Variants in ADGRG5 observed in about 807,000 individuals in gnomAD.
ADGRG5 encodes the protein G protein-coupled receptor 114.
A neutral mutation model predicts 53.2 loss-of-function variants in ADGRG5; 37 were observed. The observed-to-expected ratio is 0.70, with a 90% confidence interval of 0.53 to 0.91. The LOEUF is 0.91. Ranked by LOEUF, ADGRG5 falls within the 40% of genes least tolerant of loss-of-function variation. The probability of loss-of-function intolerance (pLI) is 0.00; values close to 1 mark genes in which losing one functional copy is unlikely to be tolerated. For synonymous variants in ADGRG5, 277 were observed against 290.4 expected, an observed-to-expected ratio of 0.95 and a Z score of 0.47; for missense variants, 614 against 675.8, an observed-to-expected ratio of 0.91 and a Z score of 1.01.
chr16:57,565,781 A>G (rs375207390), intron 6 of ADGRG5: 1 of 152,362 alleles, frequency 6.6e-6, no homozygotes, highest in Non-Finnish European at 1.5e-5. Flanking sequence ...GCAGATGCTG[A>G]TCCTGGAACA....
intron 1 of ADGRG5, among the ~76,000 whole-genome samples, chr16:57,560,922 G>A (rs916523762): frequency 1.3e-5 from 2 of 152,110 alleles, no homozygotes; most frequent in African/African-American, 4.8e-5. Flanking sequence ...AGACACAAGT[G>A]CAGGCCACCA....
In ADGRG5 at chr16:57,559,316, A is replaced by G. The variant is rs148177786; in HGVS notation, c.-38-2740A>G. On this transcript the variant is annotated intron_variant, in intron 1 of 11. Transcript: ENST00000349457. ...AGGTGTTTATCTCTCGGCAGCAGCCAATTACCACCTTGCACTCATGCAGGG... is the reference window on the plus strand; with the variant it reads ...AGGTGTTTATCTCTCGGCAGCAGCCGATTACCACCTTGCACTCATGCAGGG... Among the ~76,000 whole-genome samples the G allele has an allele frequency of 9.3e-3, 1,420 of 152,304 alleles. 57 individuals are homozygous for G. The highest frequency in any genetic ancestry group is 0.07 in the Admixed American group (1,078 of 15,298).
intron 1 of ADGRG5, among the ~76,000 whole-genome samples, chr16:57,556,618 G>C (rs143981653): frequency 6.6e-6 from 1 of 152,088 alleles, no homozygotes; most frequent in Non-Finnish European, 1.5e-5. Flanking sequence ...CCTGCCTGTC[G>C]TGCTATTTTT....
chr16:57,556,479 C>T (rs2032885461), intron 1 of ADGRG5, among the ~76,000 whole-genome samples: 1 of 152,186 alleles, frequency 6.6e-6, no homozygotes, highest in African/African-American at 2.4e-5. Context: ...ATAATTTTCT[C>T]TTTTTTGTGA....
At chr16:57,567,133 T>C (rs549900126) in intron 7 of ADGRG5, among the ~76,000 whole-genome samples, 1 of 152,194 alleles carries the variant, frequency 6.6e-6, no homozygotes. Context: ...CTGCCAGCCA[T>C]GTGCTCATCC....
At chr16:57,563,468 A>G (rs1217622154) in intron 4 of ADGRG5, among the ~76,000 whole-genome samples, 1 of 152,240 alleles carries the variant, frequency 6.6e-6, no homozygotes, top group Non-Finnish European at 1.5e-5. Context: ...CCTGCAGGGC[A>G]GAATCTTCTT....
At chr16:57,537,539 G>A in the ADGRG5 span, among the ~76,000 whole-genome samples, 4 of 152,206 alleles carry the variant, frequency 2.6e-5, no homozygotes, top group Non-Finnish European at 4.4e-5. Flanking sequence ...TGTAATAGTT[G>A]AGTATGTAGC....
chr16:57,560,686 G>A (rs1353990583), intron 1 of ADGRG5, among the ~76,000 whole-genome samples: 1 of 152,222 alleles, frequency 6.6e-6, no homozygotes, highest in Non-Finnish European at 1.5e-5. Context: ...GGGATGGTAG[G>A]ATGGTGAGGA....
At chr16:57,540,894 G>C (rs923915858), upstream of ADGRG5, among the ~76,000 whole-genome samples, 4 of 152,166 alleles carry the variant, frequency 2.6e-5, no homozygotes, top group Non-Finnish European at 5.9e-5. Flanking sequence ...GGGTTTAAGC[G>C]ATTCTTGTGC....
chr16:57,571,727 C>T lies in ADGRG5; in HGVS notation c.1208+1192C>T, dbSNP rs571564370. Among the ~76,000 whole-genome samples the T allele has an allele frequency of 7.6e-5, 11 of 144,052 alleles. No individual in the cohort carries two copies. In the South Asian group the frequency reaches 2.4e-3, roughly 32 times the overall value. 94.5% of individuals were successfully genotyped at this position (144,052 alleles called of 152,430 possible). A position where few individuals can be genotyped will look rare whatever the true frequency, so the allele number is the denominator to read the frequency against. On this transcript the variant is annotated intron_variant, in intron 10 of 11. Transcript: ENST00000349457. ...CTGGAGTGCAATGGTGTGATCTCGG[C>T]TCACTGCAACCTCTGCCTCCTGGGT...
chr16:57,573,814 C>T (rs959653186), intron 10 of ADGRG5, among the ~76,000 whole-genome samples: 1 of 152,120 alleles, frequency 6.6e-6, no homozygotes, highest in Non-Finnish European at 1.5e-5. Flanking sequence ...CTCTGCCTCT[C>T]GGGTTCAAGT....
chr16:57,539,351 G>A (rs1008742132), upstream of ADGRG5, among the ~76,000 whole-genome samples: 1 of 152,140 alleles, frequency 6.6e-6, no homozygotes, highest in Non-Finnish European at 1.5e-5. Context: ...CTGTTTCATG[G>A]GTATGGAGTT....
chr16:57,569,102 C>T lies in ADGRG5; in HGVS notation c.1090+978C>T, dbSNP rs571501392. ...ATCACCACCATCATCACCTCCTCCA[C>T]GTACATCACCACCTTCTTCACCACC... On this transcript the variant is annotated intron_variant, in intron 9 of 11. Coordinates refer to ENST00000349457, the MANE Select transcript of ADGRG5 (RefSeq NM_001304376.3). Among the ~76,000 whole-genome samples, 529 of 149,886 alleles carry T rather than the reference C, an allele frequency of 3.5e-3. 5 individuals are homozygous for T. Among genetic ancestry groups the T allele is most frequent in the South Asian group, 0.034 (158 of 4,604 alleles).
intron 1 of ADGRG5, among the ~76,000 whole-genome samples, chr16:57,554,740 T>G (rs1421310410): frequency 1.3e-5 from 2 of 152,212 alleles, no homozygotes; most frequent in Admixed American, 6.5e-5. Context: ...TCTTTTTATA[T>G]TTATTAAGGT....
intron 11 of ADGRG5, 112 bp downstream of exon 11, chr16:57,575,204 C>T: frequency 8.1e-7 from 1 of 1,231,366 alleles, no homozygotes; most frequent in Non-Finnish European, 1.1e-6. Flanking sequence ...GACTAACATC[C>T]AGCCCACAGC....
the ADGRG5 span, among the ~76,000 whole-genome samples, chr16:57,533,208 G>A: frequency 6.6e-6 from 1 of 152,152 alleles, no homozygotes; most frequent in Non-Finnish European, 1.5e-5. Context: ...GGCACAGCAG[G>A]AGCACGGAAG....
At chr16:57,535,286 G>A in the ADGRG5 span, among the ~76,000 whole-genome samples, 1 of 152,180 alleles carries the variant, frequency 6.6e-6, no homozygotes, top group African/African-American at 2.4e-5. Flanking sequence ...CCTCCAGGCT[G>A]GACCTAAGCC....
chr16:57,551,987 C>T (rs1422126459), intron 1 of ADGRG5, among the ~76,000 whole-genome samples: 7 of 151,890 alleles, frequency 4.6e-5, no homozygotes, highest in Non-Finnish European at 1.0e-4. Flanking sequence ...TCTTGGGTGA[C>T]TAGGTACATT....
Position 57,574,884 on chromosome 16 carries a change from C to T in ADGRG5, c.1278C>T (p.Phe426=). 1.2e-6 allele frequency: 2 copies of T among 1,612,284 alleles called. No individual in the cohort carries two copies. The highest frequency in any genetic ancestry group is 1.7e-6 in the Non-Finnish European group (2 of 1,179,694). The change falls in exon 11 of 12, where the codon TTC becomes TTT. Residue 426 remains phenylalanine (F), a synonymous_variant. Coordinates refer to ENST00000349457, the MANE Select transcript of ADGRG5 (RefSeq NM_001304376.3). The surrounding 1 kb of genome is among the most constrained non-coding windows in gnomAD (Gnocchi z 4.4). ...VMGYGGLTSL[F]NLVVLAWALW... ...GCTACGGCGGCCTCACGTCCCTCTT[C>T]AACCTGGTGGTGCTGGCCTGGGCGC...
Sources: gnomAD v4.1 joint callset for allele counts (sites outside exome capture counted in the v4.1 genomes callset) on GRCh38, gnomAD v4.1.1 for gene constraint, Gnocchi (gnomAD v3.1) non-coding constraint, MANE v1.5 for transcripts, NCBI Gene and HGNC (gene_info 2026-07-23, HGNC 2026-07-21) for gene names.